EHD4: variants seen among roughly 807,000 people sequenced by gnomAD.
The protein encoded by EHD4 is EH domain containing 4.
A neutral mutation model predicts 51.0 loss-of-function variants in EHD4; 37 were observed. The ratio of observed to expected loss-of-function variants is 0.73; its 90% CI spans 0.56 to 0.95. The LOEUF (loss-of-function observed/expected upper bound fraction) is 0.95. EHD4 is among the 40% of genes least tolerant of loss of function. EHD4 has a pLI of 0.00. For synonymous variants in EHD4, 297 were observed against 317.3 expected (o/e 0.94, Z 0.68); for missense variants, 632 against 733.1 (o/e 0.86, Z 1.59).
chr15:41,929,086 G>A (rs1180193259), intron 3 of EHD4, among the ~76,000 whole-genome samples: 1 of 152,184 alleles, frequency 6.6e-6, no homozygotes, highest in African/African-American at 2.4e-5. Flanking sequence ...TTGTCTCCCA[G>A]TACCTAGCCT....
chr15:41,957,491 C>T (rs1045158825), intron 1 of EHD4, among the ~76,000 whole-genome samples: 11 of 152,124 alleles, frequency 7.2e-5, no homozygotes, highest in African/African-American at 2.7e-4. Flanking sequence ...AACCTGGAGT[C>T]TGGTAGGAAT....
At chr15:41,910,794 C>T (rs1449195860) in intron 4 of EHD4, among the ~76,000 whole-genome samples, 1 of 152,138 alleles carries the variant, frequency 6.6e-6, no homozygotes, top group African/African-American at 2.4e-5. Context: ...GTCTCGAACT[C>T]CTGACCTCAG....
chr15:41,904,216 G>T (rs2067497463), intron 5 of EHD4, among the ~76,000 whole-genome samples: 1 of 152,214 alleles, frequency 6.6e-6, no homozygotes, highest in Non-Finnish European at 1.5e-5. Flanking sequence ...CCACCAGCCT[G>T]CAGGGGCCGT....
intron 4 of EHD4, 128 bp from the exon 5 acceptor site, chr15:41,909,991 G>A (rs1357831449): frequency 8.3e-7 from 1 of 1,207,212 alleles, no homozygotes; most frequent in African/African-American, 1.5e-5. Context: ...CCCAAGGACA[G>A]GAGGAGGGGA....
intron 2 of EHD4, among the ~76,000 whole-genome samples, chr15:41,953,457 C>T (rs113055471): frequency 0.017 from 2,577 of 152,222 alleles, 87 homozygotes; most frequent in African/African-American, 0.059. Context: ...TGGCTTCGAA[C>T]AATCCTTTTG....
chr15:41,901,056 C>T lies in EHD4; in HGVS notation c.1215G>A (p.Thr405=), dbSNP rs778675733. 5 of 1,612,850 alleles carry T rather than the reference C, an allele frequency of 3.1e-6. No homozygotes were observed. Among genetic ancestry groups the T allele is most frequent in the Admixed American group, 1.7e-5 (1 of 59,946 alleles). Residue 405 remains threonine, a synonymous_variant, in exon 6 of 6, where the codon ACG becomes ACA. Coordinates refer to ENST00000220325, the MANE Select transcript of EHD4 (RefSeq NM_139265.4). The part of the protein sequence containing the change: ...PLMNLISQEE[T]STPTQLVQGG... ...CCTGCACCAGCTGCGTGGGCGTGCT[C>T]GTCTCCTCCTGGCTGATGAGGTTCA...
At chr15:41,937,175 T>G (rs1247522600) in intron 3 of EHD4, among the ~76,000 whole-genome samples, 1 of 152,206 alleles carries the variant, frequency 6.6e-6, no homozygotes, top group Non-Finnish European at 1.5e-5. Flanking sequence ...CCCTCAGTAT[T>G]CCATGTGGCC....
chr15:41,928,115 A>T (rs999548414), intron 3 of EHD4, among the ~76,000 whole-genome samples: 1 of 152,226 alleles, frequency 6.6e-6, no homozygotes, highest in African/African-American at 2.4e-5. Context: ...GAGTCTCTGC[A>T]TTGTTTCCTG....
rs2067605842 is a variant in EHD4 at position 41,919,209 on chromosome 15, C to T, written c.924+1G>A. 1.2e-6 allele frequency: 2 copies of T among 1,613,726 alleles called. No individual in the cohort carries two copies. Among genetic ancestry groups the T allele is most frequent in the Admixed American group, 1.7e-5 (1 of 60,032 alleles). ...TCTGTGCAAGGCATCTCCTGGCTTA[C>T]CTTGGCCAGCCTCGCTCGCTTGATG... is the stretch of plus-strand genomic sequence containing the variant. On this transcript the variant is annotated splice_donor_variant, in intron 4 of 5. Transcript: ENST00000220325. LOFTEE classifies it high-confidence loss of function.
chr15:41,901,051 G>A lies in EHD4; in HGVS notation c.1220C>T (p.Thr407Met), dbSNP rs199963790. The A allele has an allele frequency of 1.5e-5, 24 of 1,612,762 alleles. No homozygotes were observed. In the Admixed American group the frequency reaches 1.8e-4, roughly 12 times the overall value. The change falls in exon 6 of 6, where the codon ACG becomes ATG. Residue 407 changes from threonine to methionine, a missense_variant. Coordinates refer to ENST00000220325, the MANE Select transcript of EHD4 (RefSeq NM_139265.4). ...MNLISQEETS[T>M]PTQLVQGGAF... is the part of the protein sequence containing the mutation. ...GCCGCCCTGCACCAGCTGCGTGGGC[G>A]TGCTCGTCTCCTCCTGGCTGATGAG... is the stretch of plus-strand genomic sequence containing the variant.
At chr15:41,913,793 C>T (rs1015053209) in intron 4 of EHD4, among the ~76,000 whole-genome samples, 3 of 152,112 alleles carry the variant, frequency 2.0e-5, no homozygotes, top group Non-Finnish European at 4.4e-5. Flanking sequence ...TTTACATTGA[C>T]CCCTGGGGGC....
At chr15:41,956,729 A>G (rs773381517) in intron 1 of EHD4, among the ~76,000 whole-genome samples, 64 of 152,184 alleles carry the variant, frequency 4.2e-4, no homozygotes, top group Non-Finnish European at 7.9e-4. Flanking sequence ...TGGTAAATCA[A>G]TCTCTGGATC....
chr15:41,949,487 A>T (rs1272138226), intron 2 of EHD4, among the ~76,000 whole-genome samples: 1 of 152,174 alleles, frequency 6.6e-6, no homozygotes, highest in African/African-American at 2.4e-5. Context: ...ACACCTGCGT[A>T]TTTTATGATG....
chr15:41,953,707 AAT>A, intron 2 of EHD4, 55 bp downstream of exon 2: 1 of 1,510,848 alleles, frequency 6.6e-7, no homozygotes, highest in South Asian at 1.3e-5. Flanking sequence ...AACTGGCAGT[AAT>A]TCAAAGAAAA....
At chr15:41,908,208 G>A (rs1055188427) in intron 5 of EHD4, 12 of 152,098 alleles carry the variant, frequency 7.9e-5, no homozygotes, top group African/African-American at 2.9e-4. Flanking sequence ...AGCATATTGG[G>A]TCAGATCAAA....
In EHD4 at chr15:41,919,267, G is replaced by A. The variant is rs780434875; in HGVS notation, c.867C>T (p.Pro289=). The A allele has an allele frequency of 1.9e-6, 3 of 1,614,018 alleles. No homozygotes were observed. The highest frequency in any genetic ancestry group is 2.5e-6 in the Non-Finnish European group (3 of 1,180,042). The part of the protein sequence containing the change: ...QDLFRDIQSL[P]QKAAVRKLND... ...TGAGCTTGCGCACCGCTGCCTTCTG[G>A]GGGAGGCTCTGGATGTCTCTAAAGA... The change falls in exon 4 of 6, where the codon CCC becomes CCT. Residue 289 remains proline (P), a synonymous_variant. Transcript: ENST00000220325.
rs746575022 is a variant in EHD4 at position 41,964,831 on chromosome 15, G to A, written c.236+7428C>T. Among the ~76,000 whole-genome samples, 126 of 151,492 alleles carry A rather than the reference G, an allele frequency of 8.3e-4. 1 individual carries two copies. The highest frequency in any genetic ancestry group is 1.5e-3 in the Non-Finnish European group (99 of 67,866). On this transcript the variant is annotated intron_variant, in intron 1 of 5. Transcript: ENST00000220325. ...CAGTTGCCCAGACTGGAGTTCAGTGGTGCAATCTCAGCTTACTGCAGCCTC... is the reference window on the plus strand; with the variant it reads ...CAGTTGCCCAGACTGGAGTTCAGTGATGCAATCTCAGCTTACTGCAGCCTC...
intron 2 of EHD4, among the ~76,000 whole-genome samples, chr15:41,953,023 G>A (rs79541251): frequency 8.7e-4 from 89 of 102,142 alleles, no homozygotes; most frequent in Non-Finnish European, 1.3e-3. Context: ...AAAAAAAAAC[G>A]ACCACGTAAG....
At chr15:41,957,103 G>C (rs957440454) in intron 1 of EHD4, among the ~76,000 whole-genome samples, 29 of 152,140 alleles carry the variant, frequency 1.9e-4, no homozygotes, top group African/African-American at 6.5e-4. Context: ...GGCCGCAGTG[G>C]GAGGATCGCT....
Sources: allele counts gnomAD v4.1 joint callset (sites outside exome capture counted in the v4.1 genomes callset), GRCh38; gene constraint gnomAD v4.1.1; transcripts MANE v1.5; gene names NCBI Gene and HGNC (gene_info 2026-07-23, HGNC 2026-07-21).